NPEPPS: variants seen among roughly 807,000 people sequenced by gnomAD.
NPEPPS encodes aminopeptidase puromycin sensitive.
A neutral mutation model predicts 115.5 loss-of-function variants in NPEPPS; 14 were observed. That is an observed-to-expected ratio of 0.12 (90% CI 0.08 to 0.19). NPEPPS has a LOEUF of 0.19. NPEPPS is among the 10% of genes least tolerant of loss of function. The probability of loss-of-function intolerance (pLI) is 1.00; values close to 1 mark genes in which losing one functional copy is unlikely to be tolerated. For synonymous variants in NPEPPS, 285 were observed against 390.6 expected (o/e 0.73, Z 3.19); for missense variants, 523 against 1,110.8 (o/e 0.47, Z 7.52).
intron 11 of NPEPPS, 96 bp from the exon 12 acceptor site, chr17:47,592,389 G>A (rs1912562096): frequency 5.1e-6 from 6 of 1,184,476 alleles, no homozygotes; most frequent in South Asian, 1.4e-5. Flanking sequence ...TGATACTTGA[G>A]TATTTGAGTA....
chr17:47,530,101 T>TG (rs1907628424), upstream of NPEPPS, among the ~76,000 whole-genome samples: 1 of 7,826 alleles, frequency 1.3e-4, no homozygotes, highest in Admixed American at 5.4e-4. Context: ...CAAGCCCGGC[T>TG]ATTTTTTTTT....
chr17:47,610,321 CT>C (rs1230618695), intron 17 of NPEPPS, among the ~76,000 whole-genome samples: 3 of 151,998 alleles, frequency 2.0e-5, no homozygotes, highest in Admixed American at 2.0e-4. Flanking sequence ...ATATCTCCTT[CT>C]TTCACTTAGC....
At position 47,612,544 on chromosome 17, in the gene NPEPPS, G is replaced by T; in HGVS notation, c.2180G>T (p.Arg727Leu). 6.2e-7 allele frequency: 1 copy of T among 1,613,908 alleles called. No individual in the cohort carries two copies. Residue 727 changes from arginine (R) to leucine (L), a missense_variant, in exon 18 of 23, where the codon CGT becomes CTT. Coordinates refer to ENST00000322157, the MANE Select transcript of NPEPPS (RefSeq NM_006310.4). ...GHKATLEEAR[R>L]RFKDHVEGKQ... ...AAGGCAACGTTAGAAGAAGCCCGTC[G>T]TCGGTTTAAGGACCACGTGGAAGGA...
chr17:47,621,944 GT>G lies in NPEPPS; in HGVS notation c.*26del, dbSNP rs754725558. The G allele has an allele frequency of 1.0e-5, 16 of 1,593,838 alleles. No homozygotes were observed. In the Admixed American group the frequency reaches 1.4e-4, roughly 14 times the overall value. ...GAATCCTGAGGTGCCGCCATTGGCG[GT>G]TCTGCTGCTTCGCTGCAGGGATAAG... On this transcript the variant is annotated 3_prime_UTR_variant, in exon 23 of 23. Coordinates refer to ENST00000322157, the MANE Select transcript of NPEPPS (RefSeq NM_006310.4).
intron 21 of NPEPPS, 106 bp from the exon 22 acceptor site, chr17:47,619,631 A>G (rs564123452): frequency 1.1e-6 from 1 of 910,672 alleles, no homozygotes; most frequent in South Asian, 1.4e-5. Context: ...CATCCTTTAT[A>G]ACAGACTGAA....
intron 17 of NPEPPS, among the ~76,000 whole-genome samples, chr17:47,610,589 G>A (rs1362488264): frequency 3.3e-5 from 5 of 151,802 alleles, no homozygotes; most frequent in Non-Finnish European, 7.4e-5. Flanking sequence ...TCACCATGTT[G>A]GCCAGGATGG....
chr17:47,524,221 C>G (rs1473240585), intron 1 of NPEPPS, among the ~76,000 whole-genome samples: 2 of 151,612 alleles, frequency 1.3e-5, no homozygotes, highest in South Asian at 4.2e-4. Context: ...GCAGGAAAAT[C>G]GCTTGAACCC....
chr17:47,577,401 T>C (rs1268652123), intron 3 of NPEPPS, among the ~76,000 whole-genome samples: 1 of 152,132 alleles, frequency 6.6e-6, no homozygotes, highest in Non-Finnish European at 1.5e-5. Flanking sequence ...TTGCAAACTT[T>C]ATTAATGTGA....
chr17:47,616,160 A>G (rs1914185614), intron 19 of NPEPPS, among the ~76,000 whole-genome samples: 2 of 152,184 alleles, frequency 1.3e-5, no homozygotes, highest in African/African-American at 4.8e-5. Flanking sequence ...TGAGACCCAG[A>G]GGGATGAAGG....
chr17:47,601,148 C>T (rs956089152), intron 14 of NPEPPS, among the ~76,000 whole-genome samples: 2 of 152,002 alleles, frequency 1.3e-5, no homozygotes, highest in African/African-American at 2.4e-5. Flanking sequence ...GGCACAAGAA[C>T]TTCTTGAACC....
intron 1 of NPEPPS, among the ~76,000 whole-genome samples, chr17:47,543,313 A>AT (rs111609085): frequency 0.53 from 77,489 of 146,524 alleles, 20,468 homozygotes; most frequent in East Asian, 0.66. Context: ...CAGTAAAAAA[A>AT]TTTTTTTTTT....
chr17:47,615,314 G>T (rs1914137076), intron 19 of NPEPPS, among the ~76,000 whole-genome samples: 1 of 152,080 alleles, frequency 6.6e-6, no homozygotes, highest in Non-Finnish European at 1.5e-5. Flanking sequence ...CTGACCTTGT[G>T]ATCCACCCGA....
chr17:47,558,382 GC>G (rs1356473992), intron 2 of NPEPPS, among the ~76,000 whole-genome samples: 5 of 150,544 alleles, frequency 3.3e-5, no homozygotes, highest in Admixed American at 3.3e-4. Flanking sequence ...ACGTGCCTCA[GC>G]CTCCAAAGTG....
intron 2 of NPEPPS, among the ~76,000 whole-genome samples, chr17:47,560,390 A>G (rs367549140): frequency 1.3e-5 from 2 of 152,308 alleles, no homozygotes; most frequent in East Asian, 3.9e-4. Flanking sequence ...AGCCAGATTT[A>G]TATTTGGCAC....
chr17:47,543,458 C>T (rs1908933692), intron 1 of NPEPPS, among the ~76,000 whole-genome samples: 1 of 149,018 alleles, frequency 6.7e-6, no homozygotes. Context: ...GCTGGGATTA[C>T]AGGCGCGCAC....
chr17:47,610,848 T>C (rs905380755), intron 17 of NPEPPS, among the ~76,000 whole-genome samples: 7 of 35,420 alleles, frequency 2.0e-4, no homozygotes, highest in African/African-American at 4.8e-4. Flanking sequence ...GATGACTCTT[T>C]TTTTTTTTTT....
intron 1 of NPEPPS, among the ~76,000 whole-genome samples, chr17:47,525,655 T>G (rs538978468): frequency 6.6e-4 from 100 of 152,294 alleles, no homozygotes; most frequent in African/African-American, 2.4e-3. Context: ...GTGTTTTGTT[T>G]TTAATCTTTT....
chr17:47,526,711 C>CT (rs1448632968), upstream of NPEPPS, among the ~76,000 whole-genome samples: 3 of 152,200 alleles, frequency 2.0e-5, no homozygotes, highest in East Asian at 5.8e-4. Context: ...GTAATCCCAG[C>CT]ACTCTGGGAG....
chr17:47,593,028 A>G (rs1259469376), intron 12 of NPEPPS, among the ~76,000 whole-genome samples: 1 of 152,210 alleles, frequency 6.6e-6, no homozygotes, highest in Non-Finnish European at 1.5e-5. Flanking sequence ...CTCAAAGGAA[A>G]TGCTCATTGG....
Sources: gnomAD v4.1 joint callset for allele counts (sites outside exome capture counted in the v4.1 genomes callset) on GRCh38, gnomAD v4.1.1 for gene constraint, MANE v1.5 for transcripts, NCBI Gene and HGNC (gene_info 2026-07-23, HGNC 2026-07-21) for gene names.